The following NTM variants were observed in gnomAD, a reference collection of about 807,000 sequenced individuals.
NTM encodes the protein neurotrimin, also known as IgLON family member 2.
A neutral mutation model predicts 42.1 loss-of-function variants in NTM; 13 were observed. The observed-to-expected ratio is 0.31, with a 90% CI of 0.20 to 0.49. The LOEUF (loss-of-function observed/expected upper bound fraction) is 0.49, where lower values mean the gene tolerates loss of function less well. Ranked by LOEUF, NTM falls within the 20% of genes least tolerant of loss-of-function variation. The probability of loss-of-function intolerance (pLI) is 0.99; values close to 1 mark genes in which losing one functional copy is unlikely to be tolerated. For missense variants in NTM, 373 were observed against 452.8 expected, an observed-to-expected ratio of 0.82 and a Z score of 1.60; for synonymous variants, 187 against 179.2, an observed-to-expected ratio of 1.04 and a Z score of -0.35.
At chr11:131,948,407 C>A (rs1161107256) in intron 2 of NTM, among the ~76,000 whole-genome samples, 3 of 66,250 alleles carry the variant, frequency 4.5e-5, no homozygotes, top group Non-Finnish European at 9.5e-5. Flanking sequence ...AGAAGTGAAG[C>A]CCAATCATTA....
chr11:131,982,042 G>A (rs1409268076), intron 2 of NTM, among the ~76,000 whole-genome samples: 1 of 150,748 alleles, frequency 6.6e-6, no homozygotes, highest in Non-Finnish European at 1.5e-5. Flanking sequence ...GAGAAAACAA[G>A]CAAACAAAAA....
chr11:131,738,799 T>G (rs1047410805), intron 1 of NTM, among the ~76,000 whole-genome samples: 5 of 152,226 alleles, frequency 3.3e-5, no homozygotes, highest in Non-Finnish European at 2.9e-5. Context: ...GTGATGGGCA[T>G]TCCTTCAATT....
intron 2 of NTM, among the ~76,000 whole-genome samples, chr11:131,999,614 G>A (rs1357056778): frequency 6.6e-6 from 1 of 152,208 alleles, no homozygotes; most frequent in Non-Finnish European, 1.5e-5. Flanking sequence ...AGTCTTTGCT[G>A]CAAATTTCCT....
chr11:131,859,859 CT>C (rs143002122), intron 1 of NTM, among the ~76,000 whole-genome samples: 8,889 of 149,000 alleles, frequency 0.06, 839 homozygotes, highest in African/African-American at 0.2. Flanking sequence ...AGTGCCTCCC[CT>C]TTTTTTTTTC....
chr11:131,977,087 T>C (rs1280975887), intron 2 of NTM, among the ~76,000 whole-genome samples: 3 of 152,214 alleles, frequency 2.0e-5, no homozygotes, highest in African/African-American at 7.2e-5. Context: ...TACATGCATA[T>C]TGGAAATCAA....
chr11:132,335,232 T>C lies in NTM; in HGVS notation c.*86T>C. The C allele has an allele frequency of 3.5e-6, 5 of 1,431,682 alleles. No homozygotes were observed. In the South Asian group the frequency reaches 4.8e-5, roughly 14 times the overall value. 88.7% of individuals were successfully genotyped at this position (1,431,682 alleles called of 1,614,324 possible). ...CAATGGCAACACCGACAGCAACCAA[T>C]CAGATATATACAAATGAAATTAGAA... is the stretch of plus-strand genomic sequence containing the variant. On this transcript the variant is annotated 3_prime_UTR_variant, in exon 9 of 9. Coordinates refer to ENST00000683400, the MANE Select transcript of NTM (RefSeq NM_001352005.2).
At chr11:131,520,081 A>C (rs1444406877) in intron 1 of NTM, among the ~76,000 whole-genome samples, 2 of 152,238 alleles carry the variant, frequency 1.3e-5, no homozygotes, top group Non-Finnish European at 2.9e-5. Context: ...AAAGGTGGTG[A>C]ATAGAGTCTT....
chr11:131,616,120 T>C (rs2061907944), intron 1 of NTM, among the ~76,000 whole-genome samples: 1 of 152,232 alleles, frequency 6.6e-6, no homozygotes. Flanking sequence ...GCATGGACTC[T>C]TTCATCAAGA....
chr11:131,826,643 G>A (rs1192485141), intron 1 of NTM, among the ~76,000 whole-genome samples: 1 of 151,858 alleles, frequency 6.6e-6, no homozygotes, highest in Non-Finnish European at 1.5e-5. Context: ...AAGAGCAAAG[G>A]CCAGGAGTGG....
intron 2 of NTM, among the ~76,000 whole-genome samples, chr11:132,130,102 G>A (rs925143383): frequency 2.0e-5 from 3 of 152,190 alleles, no homozygotes; most frequent in African/African-American, 7.2e-5. Context: ...TAGGAGATTT[G>A]TTTTCACAGT....
intron 2 of NTM, among the ~76,000 whole-genome samples, chr11:131,925,153 G>T (rs1330685404): frequency 6.6e-6 from 1 of 152,168 alleles, no homozygotes; most frequent in Admixed American, 6.5e-5. Flanking sequence ...CTTAACTCAA[G>T]ACATGCTATA....
rs77097258 is a variant in NTM, at chr11:131,643,763, C to T, written c.83-267801C>T. Among the ~76,000 whole-genome samples the T allele has an allele frequency of 7.4e-4, 113 of 152,278 alleles. 1 individual carries two copies. In the South Asian group the frequency reaches 0.013, roughly 18 times the overall value. On this transcript the variant is annotated intron_variant, in intron 1 of 8. Transcript: ENST00000683400. ...GTGCAGAAACGTGTGCTGCCATTAC[C>T]GAGCCTGCAGATCTGTGGGTCACAG...
chr11:131,459,667 C>T (rs1951200997), intron 1 of NTM, among the ~76,000 whole-genome samples: 1 of 151,458 alleles, frequency 6.6e-6, no homozygotes, highest in Non-Finnish European at 1.5e-5. Context: ...TGTTTTAAAT[C>T]TAAGCACGGT....
intron 1 of NTM, among the ~76,000 whole-genome samples, chr11:131,461,657 G>T (rs147708283): frequency 6.6e-6 from 1 of 151,726 alleles, no homozygotes; most frequent in African/African-American, 2.4e-5. Context: ...ATAATGCATT[G>T]TATATTTGAC....
intron 1 of NTM, among the ~76,000 whole-genome samples, chr11:131,808,506 A>G (rs1347866698): frequency 1.3e-5 from 2 of 152,250 alleles, no homozygotes; most frequent in African/African-American, 2.4e-5. Context: ...TAAGAAAGCC[A>G]TATCTGTTAA....
intron 1 of NTM, among the ~76,000 whole-genome samples, chr11:131,545,849 G>C (rs1451334130): frequency 6.6e-6 from 1 of 152,314 alleles, no homozygotes; most frequent in African/African-American, 2.4e-5. Flanking sequence ...GGGACCTGCA[G>C]TGCCTTCATG....
At chr11:131,847,508 G>A (rs1189287445) in intron 1 of NTM, among the ~76,000 whole-genome samples, 1 of 152,026 alleles carries the variant, frequency 6.6e-6, no homozygotes, top group Non-Finnish European at 1.5e-5. Context: ...TGCAGGAGGA[G>A]GCAGGAAGCT....
At chr11:131,709,868 G>C (rs551114619) in intron 1 of NTM, among the ~76,000 whole-genome samples, 1 of 152,306 alleles carries the variant, frequency 6.6e-6, no homozygotes, top group African/African-American at 2.4e-5. Flanking sequence ...AATCTGCAAA[G>C]AGGTCAAGAG....
chr11:132,222,899 G>C (rs950334145), intron 4 of NTM, among the ~76,000 whole-genome samples: 1 of 152,156 alleles, frequency 6.6e-6, no homozygotes, highest in Non-Finnish European at 1.5e-5. Context: ...CCCGGGAGGC[G>C]TTTCCTCCCC....
Sources: allele counts gnomAD v4.1 joint callset (sites outside exome capture counted in the v4.1 genomes callset), GRCh38; gene constraint gnomAD v4.1.1; transcripts MANE v1.5; gene names NCBI Gene and HGNC (gene_info 2026-07-23, HGNC 2026-07-21).